Variants in DLGAP1 observed in about 807,000 individuals in gnomAD.
DLGAP1 encodes the protein DLG associated protein 1.
A neutral mutation model predicts 90.8 loss-of-function variants in DLGAP1; 11 were observed. The ratio of observed to expected loss-of-function variants is 0.12; its 90% CI spans 0.08 to 0.20. The LOEUF (loss-of-function observed/expected upper bound fraction) is 0.20, where lower values mean the gene tolerates loss of function less well. Ranked by LOEUF, DLGAP1 falls within the 10% of genes least tolerant of loss-of-function variation. The probability of loss-of-function intolerance (pLI) is 1.00; values close to 1 mark genes in which losing one functional copy is unlikely to be tolerated. For synonymous variants in DLGAP1, 558 were observed against 540.7 expected (o/e 1.03, Z -0.44); for missense variants, 1,050 against 1,333.8 (o/e 0.79, Z 3.31).
chr18:3,902,248 T>G (rs1022596664), intron 3 of DLGAP1, among the ~76,000 whole-genome samples: 2 of 152,236 alleles, frequency 1.3e-5, no homozygotes, highest in Admixed American at 1.3e-4. Flanking sequence ...GTAACTTGCT[T>G]TGTTTTCCTT....
intron 1 of DLGAP1, among the ~76,000 whole-genome samples, chr18:4,274,020 C>T (rs2145377167): frequency 6.7e-6 from 1 of 149,184 alleles, no homozygotes; most frequent in South Asian, 2.1e-4. Context: ...TCACTAATTT[C>T]TGCTCAAATC....
At chr18:3,786,606 G>A (rs1338686701) in intron 5 of DLGAP1, among the ~76,000 whole-genome samples, 1 of 152,150 alleles carries the variant, frequency 6.6e-6, no homozygotes, top group African/African-American at 2.4e-5. Flanking sequence ...GTTCTGACAA[G>A]GAACTCTCAG....
At chr18:3,680,054 G>A (rs945679411) in intron 7 of DLGAP1, 1 of 152,022 alleles carries the variant, frequency 6.6e-6, no homozygotes, top group African/African-American at 2.4e-5. Flanking sequence ...CATTTCTCAA[G>A]AGAATAGCAT....
At chr18:3,715,689 A>G (rs767310035) in intron 7 of DLGAP1, among the ~76,000 whole-genome samples, 2 of 152,102 alleles carry the variant, frequency 1.3e-5, no homozygotes, top group Non-Finnish European at 2.9e-5. Context: ...TTTTCTTACC[A>G]TAATTGCTTG....
At chr18:3,534,694 CTTTT>C (rs570549234) in intron 9 of DLGAP1, 79 bp from the exon 10 acceptor site, 595 of 997,310 alleles carry the variant, frequency 6.0e-4, no homozygotes, top group South Asian at 9.6e-4. Context: ...TCCTTTCTTT[CTTTT>C]TTTTTTTTTT....
intron 1 of DLGAP1, among the ~76,000 whole-genome samples, chr18:4,233,699 A>C (rs563783013): frequency 2.6e-5 from 4 of 152,280 alleles, no homozygotes; most frequent in East Asian, 1.9e-4. Context: ...ATTATCAAGG[A>C]ATATGCGCAT....
rs776002035 is a variant in DLGAP1 at position 3,879,299 on chromosome 18, ACGT to A, written c.767_769del (p.Asp256del). On this transcript the variant is annotated inframe_deletion, in exon 4 of 13. Coordinates refer to ENST00000315677, the MANE Select transcript of DLGAP1 (RefSeq NM_004746.4). The surrounding 1 kb of genome is among the most constrained non-coding windows in gnomAD (Gnocchi z 6.6). ...CAGGTTGGCGCAGGTGGAGCACTTG[ACGT>A]CGTTGTTGCTCCGGGAGGCCTTCAC... is the stretch of plus-strand genomic sequence containing the variant. 2 of 1,596,430 alleles carry A rather than the reference ACGT, an allele frequency of 1.3e-6. No homozygotes were observed. The highest frequency in any genetic ancestry group is 1.7e-6 in the Non-Finnish European group (2 of 1,170,948).
chr18:3,726,611 TGTG>T (rs1380292608), intron 7 of DLGAP1, among the ~76,000 whole-genome samples: 1 of 152,238 alleles, frequency 6.6e-6, no homozygotes, highest in Non-Finnish European at 1.5e-5. Flanking sequence ...AAATATCCTA[TGTG>T]CTTACTTAGT....
rs1451620006 is a variant in DLGAP1 at position 4,204,382 on chromosome 18, G to A, written c.-266-53095C>T. Among the ~76,000 whole-genome samples the A allele has an allele frequency of 2.6e-5, 4 of 152,244 alleles. No individual in the cohort carries two copies. The East Asian group carries it at 7.7e-4, about 29-fold the overall frequency. On this transcript the variant is annotated intron_variant, in intron 1 of 12. Coordinates refer to ENST00000315677, the MANE Select transcript of DLGAP1 (RefSeq NM_004746.4). The stretch of plus-strand genomic sequence containing the variant: ...GGGAATCTTGCCAAGACAACTCAAT[G>A]GGCAGGAAGTCATTTTCTCAGGAAA...
intron 1 of DLGAP1, among the ~76,000 whole-genome samples, chr18:4,164,418 C>T (rs1357760697): frequency 2.6e-5 from 4 of 152,088 alleles, no homozygotes; most frequent in Non-Finnish European, 5.9e-5. Context: ...TGGTGGCTCA[C>T]GCCTGTAATC....
At chr18:3,860,534 G>C (rs1017353436) in intron 4 of DLGAP1, among the ~76,000 whole-genome samples, 1 of 152,200 alleles carries the variant, frequency 6.6e-6, no homozygotes, top group African/African-American at 2.4e-5. Context: ...TTTGAACACA[G>C]CTTTCTGGTA....
At position 3,720,910 on chromosome 18, in the gene DLGAP1, T is replaced by A. The variant is rs1265167335; in HGVS notation, c.1591+8225A>T. On this transcript the variant is annotated intron_variant, in intron 7 of 12. Coordinates refer to ENST00000315677, the MANE Select transcript of DLGAP1 (RefSeq NM_004746.4). ...CTACAAAAAAAAAAAAAAAAAAAAA[T>A]TAGCTGGGCCTGGTATAATCTCAGC... Among the ~76,000 whole-genome samples, 19 of 54,966 alleles carry A rather than the reference T, an allele frequency of 3.5e-4. 1 individual carries two copies. In the South Asian group the frequency reaches 5.6e-3, roughly 16 times the overall value. 36.1% of individuals were successfully genotyped at this position (54,966 alleles called of 152,430 possible). A position where few individuals can be genotyped will look rare whatever the true frequency, so the allele number is the denominator to read the frequency against.
chr18:4,105,949 G>C (rs1249550055), intron 2 of DLGAP1, among the ~76,000 whole-genome samples: 2 of 147,294 alleles, frequency 1.4e-5, no homozygotes, highest in Non-Finnish European at 3.0e-5. Context: ...GGAGAATGGC[G>C]TGAACCCGGG....
chr18:4,230,548 A>G (rs1464368151), intron 1 of DLGAP1, among the ~76,000 whole-genome samples: 1 of 151,928 alleles, frequency 6.6e-6, no homozygotes, highest in Non-Finnish European at 1.5e-5. Context: ...CAAACTTCAC[A>G]TGTTCTCACT....
At chr18:3,669,727 TA>T (rs1265762919) in intron 7 of DLGAP1, among the ~76,000 whole-genome samples, 5 of 152,276 alleles carry the variant, frequency 3.3e-5, no homozygotes, top group Non-Finnish European at 7.4e-5. Context: ...TTCTACTCAG[TA>T]AAACTTTCCA....
At chr18:3,773,105 A>AT (rs1568111343) in intron 5 of DLGAP1, among the ~76,000 whole-genome samples, 57 of 152,090 alleles carry the variant, frequency 3.7e-4, no homozygotes, top group Admixed American at 1.3e-4. Context: ...GGGACTTAAA[A>AT]ATTTTTTTTT....
chr18:3,765,135 T>C (rs2064165663), intron 5 of DLGAP1, among the ~76,000 whole-genome samples: 1 of 140,196 alleles, frequency 7.1e-6, no homozygotes, highest in Non-Finnish European at 1.5e-5. Flanking sequence ...TTTTTCTTTT[T>C]TTTTTTTTTT....
chr18:3,781,327 G>A (rs2065180142), intron 5 of DLGAP1, among the ~76,000 whole-genome samples: 1 of 151,460 alleles, frequency 6.6e-6, no homozygotes, highest in Non-Finnish European at 1.5e-5. Context: ...TCCTACTAAT[G>A]GACAGAAATT....
Position 3,565,187 on chromosome 18 carries a change from C to T in DLGAP1, c.2057+2303G>A, listed in dbSNP as rs1171032352. Among the ~76,000 whole-genome samples, 2 of 152,086 alleles carry T rather than the reference C, an allele frequency of 1.3e-5. No homozygotes were observed. The highest frequency in any genetic ancestry group is 2.4e-5 in the African/African-American group (1 of 41,416). On this transcript the variant is annotated intron_variant, in intron 9 of 12. Coordinates refer to ENST00000315677, the MANE Select transcript of DLGAP1 (RefSeq NM_004746.4). The surrounding 1 kb of genome is among the most constrained non-coding windows in gnomAD (Gnocchi z 4.0). ...CTTTTTAAGACAGAGTCTGCTCTGC[C>T]ACCCAGGCTGGAGCGCAATGGCGTC... is the stretch of plus-strand genomic sequence containing the variant.
Sources: allele counts gnomAD v4.1 joint callset (sites outside exome capture counted in the v4.1 genomes callset), GRCh38; gene constraint gnomAD v4.1.1; non-coding constraint Gnocchi (gnomAD v3.1); transcripts MANE v1.5; gene names NCBI Gene and HGNC (gene_info 2026-07-23, HGNC 2026-07-21).